Variants in FSIP2 observed in about 807,000 individuals in gnomAD.
FSIP2 encodes the protein fibrous sheath interacting protein 2, also known as fibrous sheath-interacting protein 2.
FSIP2 carries 367 observed loss-of-function variants against 510.5 expected under a neutral mutation model. The observed-to-expected ratio is 0.72, with a 90% CI of 0.66 to 0.78. The LOEUF is 0.78. Among genes scored for constraint, FSIP2 ranks in the 30% least tolerant of loss-of-function variants. FSIP2 has a pLI of 0.00. For synonymous variants in FSIP2, 2,601 were observed against 2,732.2 expected, an observed-to-expected ratio of 0.95 and a Z score of 1.50; for missense variants, 7,594 against 7,901.7, an observed-to-expected ratio of 0.96 and a Z score of 1.48.
intron 5 of FSIP2, 93 bp downstream of exon 5, chr2:185,745,661 G>A (rs17813736): frequency 0.54 from 568,894 of 1,056,586 alleles, 155,525 homozygotes; most frequent in South Asian, 0.64. Flanking sequence ...TTTAAGTACT[G>A]GACACCATTC....
chr2:185,802,216 C>A lies in FSIP2; in HGVS notation c.12910C>A (p.His4304Asn). ...RPQKQSPLDI[H>N]LDSFVREIVA... is the part of the protein sequence containing the mutation. ...TCAGAAGCAATCACCTTTAGATATT[C>A]ACCTTGATTCATTTGTAAGGGAGAT... The change falls in exon 17 of 23, where the codon CAC (histidine) becomes AAC (asparagine). Residue 4304 changes from histidine to asparagine, a missense_variant. By Grantham distance (68) the His-to-Asn change is moderately conservative. Coordinates refer to ENST00000424728, the MANE Select transcript of FSIP2 (RefSeq NM_173651.4). 3 of 1,533,594 alleles carry A rather than the reference C, an allele frequency of 2.0e-6. No homozygotes were observed. Among genetic ancestry groups the A allele is most frequent in the Non-Finnish European group, 8.7e-7 (1 of 1,145,242 alleles). 95.0% of individuals were successfully genotyped at this position (1,533,594 alleles called of 1,614,324 possible).
At position 185,745,131 on chromosome 2, in the gene FSIP2, C is replaced by T. The variant is rs750468529; in HGVS notation, c.478-298C>T. 153 of 184,314 alleles carry T rather than the reference C, an allele frequency of 8.3e-4. 2 individuals carry two copies. Among genetic ancestry groups the T allele is most frequent in the Admixed American group, 6.1e-4 (10 of 16,312 alleles). 11.4% of individuals were successfully genotyped at this position (184,314 alleles called of 1,614,324 possible). A position where few individuals can be genotyped will look rare whatever the true frequency, so the allele number is the denominator to read the frequency against. ...AAACAAGAAAGACTTTAATATATTT[C>T]TAAGTATTCTGTATTTTCCCCACTT... On this transcript the variant is annotated intron_variant, in intron 4 of 22. Coordinates refer to ENST00000424728, the MANE Select transcript of FSIP2 (RefSeq NM_173651.4).
intron 7 of FSIP2, among the ~76,000 whole-genome samples, chr2:185,751,191 T>C (rs1692139647): frequency 6.6e-6 from 1 of 151,660 alleles, no homozygotes; most frequent in South Asian, 2.1e-4. Flanking sequence ...TATTAAAATC[T>C]CTGACTATAT....
rs759902305 is a variant in FSIP2 at position 185,813,652 on chromosome 2, T to C, written c.19935T>C (p.Ala6645=). Residue 6645 remains alanine (A), a synonymous_variant, in exon 18 of 23, where the codon GCT becomes GCC. Coordinates refer to ENST00000424728, the MANE Select transcript of FSIP2 (RefSeq NM_173651.4). ...SKNDLIVRLV[A]HDIDQVYLEN... Reference sequence around the variant, plus strand: ...ATGATCTTATTGTTCGATTAGTAGCTCATGATATTGATCAAGTGTATTTGG... The same window carrying C: ...ATGATCTTATTGTTCGATTAGTAGCCCATGATATTGATCAAGTGTATTTGG... The C allele has an allele frequency of 3.5e-5, 56 of 1,604,186 alleles. 2 individuals carry two copies. The Middle Eastern group carries it at 4.5e-3, about 128-fold the overall frequency.
intron 13 of FSIP2, among the ~76,000 whole-genome samples, chr2:185,781,374 G>C (rs947813257): frequency 6.6e-6 from 1 of 152,182 alleles, no homozygotes; most frequent in South Asian, 2.1e-4. Flanking sequence ...GCTAAGCTAA[G>C]CTATTATGTT....
intron 17 of FSIP2, among the ~76,000 whole-genome samples, chr2:185,812,380 T>C (rs1417732684): frequency 6.6e-6 from 1 of 152,114 alleles, no homozygotes. Flanking sequence ...CAAACATGAA[T>C]GTTTGCCCAA....
Position 185,789,024 on chromosome 2 carries a change from A to G in FSIP2, c.1888A>G (p.Lys630Glu), listed in dbSNP as rs1693054560. ...QSIISKHKYN[K>E]TNLLYSYPKL... Reference sequence around the variant, plus strand: ...TATAATCTCTAAACATAAATATAATAAAACCAACTTGCTATATTCATACCC... The same window carrying G: ...TATAATCTCTAAACATAAATATAATGAAACCAACTTGCTATATTCATACCC... Residue 630 changes from lysine (K) to glutamate (E), a missense_variant, in exon 16 of 23, where the codon AAA becomes GAA. Lys to Glu is a moderately conservative substitution (Grantham distance 56). Transcript: ENST00000424728. 1 of 1,533,982 alleles carries G rather than the reference A, an allele frequency of 6.5e-7. No homozygotes were observed. Among genetic ancestry groups the G allele is most frequent in the Non-Finnish European group, 8.7e-7 (1 of 1,145,546 alleles).
rs1216802376 is a variant in FSIP2 at position 185,791,547 on chromosome 2, A to G, written c.4411A>G (p.Lys1471Glu). The G allele has an allele frequency of 6.5e-7, 1 of 1,534,428 alleles. No individual in the cohort carries two copies. Among genetic ancestry groups the G allele is most frequent in the Admixed American group, 2.0e-5 (1 of 50,858 alleles). ...QSREMTNKNQ[K>E]MAAALQSNIQ... is the part of the protein sequence containing the mutation. Reference sequence around the variant, plus strand: ...CAGAGAGATGACCAATAAGAATCAGAAAATGGCTGCTGCATTGCAGTCTAA... The same window carrying G: ...CAGAGAGATGACCAATAAGAATCAGGAAATGGCTGCTGCATTGCAGTCTAA... The change falls in exon 16 of 23, where the codon AAA becomes GAA. Residue 1471 changes from lysine (K) to glutamate (E), a missense_variant. Physicochemically the swap from Lys to Glu is moderately conservative, Grantham distance 56. Transcript: ENST00000424728.
At chr2:185,813,476 A>C in intron 17 of FSIP2, 69 bp from the exon 18 acceptor site, 1 of 911,222 alleles carries the variant, frequency 1.1e-6, no homozygotes, top group Non-Finnish European at 1.6e-6. Flanking sequence ...AAATAGCTAC[A>C]TCATAATTGA....
In FSIP2 at chr2:185,789,233, C is replaced by T; in HGVS notation, c.2097C>T (p.Tyr699=). Residue 699 remains tyrosine (Y), a synonymous_variant, in exon 16 of 23, where the codon TAC becomes TAT. Transcript: ENST00000424728. ...ATGTTTTTGTTAACTTTAAATGTTA[C>T]TTGAAAGGGGAAACTGAAGTGATTT... The part of the protein sequence containing the change: ...LKNVFVNFKC[Y]LKGETEVILE... 1 of 1,534,388 alleles carries T rather than the reference C, an allele frequency of 6.5e-7. No individual in the cohort carries two copies. The highest frequency in any genetic ancestry group is 8.7e-7 in the Non-Finnish European group (1 of 1,145,756).
rs931497276 is a variant in FSIP2, at chr2:185,797,295, A to T, written c.10159A>T (p.Lys3387Ter). Residue 3387 changes from lysine to a stop codon, truncating the protein, a stop_gained, in exon 16 of 23, where the codon AAA becomes TAA. Transcript: ENST00000424728. LOFTEE classifies it high-confidence loss of function. ...NEKSLLRMQD[K>*]KINYIPEEEN... The stretch of plus-strand genomic sequence containing the variant: ...AAAAAGTTTGCTTAGAATGCAGGAT[A>T]AAAAAATCAACTATATACCTGAGGA... The T allele has an allele frequency of 6.5e-7, 1 of 1,532,586 alleles. No homozygotes were observed. The allele number at this position is 1,532,586 out of a possible 1,614,324, so 94.9% of individuals were successfully genotyped here. A position where few individuals can be genotyped will look rare whatever the true frequency, so the allele number is the denominator to read the frequency against.
At chr2:185,786,960 T>A (rs532180587) in intron 15 of FSIP2, among the ~76,000 whole-genome samples, 3 of 151,864 alleles carry the variant, frequency 2.0e-5, no homozygotes, top group Non-Finnish European at 4.4e-5. Flanking sequence ...ATTCTATCTA[T>A]CATATTTCAC....
Position 185,804,790 on chromosome 2 carries a change from A to G in FSIP2, c.15484A>G (p.Ile5162Val). ...EAASKLTDEIIKEISEHEIRL... is the reference protein window; with the variant it reads ...EAASKLTDEIVKEISEHEIRL... ...AGCTTCAAAATTGACTGATGAAATT[A>G]TAAAAGAAATTTCTGAACATGAGAT... The change falls in exon 17 of 23, where the codon ATA becomes GTA. Residue 5162 changes from isoleucine (I) to valine (V), a missense_variant. Physicochemically the swap from Ile to Val is conservative, Grantham distance 29. Coordinates refer to ENST00000424728, the MANE Select transcript of FSIP2 (RefSeq NM_173651.4). 2 of 1,532,926 alleles carry G rather than the reference A, an allele frequency of 1.3e-6. No homozygotes were observed. Among genetic ancestry groups the G allele is most frequent in the African/African-American group, 1.4e-5 (1 of 72,940 alleles). The allele number at this position is 1,532,926 out of a possible 1,614,324, so 95.0% of individuals were successfully genotyped here.
Position 185,793,857 on chromosome 2 carries a change from TCTG to T in FSIP2, c.6724_6726del (p.Ala2242del), listed in dbSNP as rs758883381. 6.5e-7 allele frequency: 1 copy of T among 1,532,202 alleles called. No individual in the cohort carries two copies. Among genetic ancestry groups the T allele is most frequent in the South Asian group, 1.2e-5 (1 of 83,458 alleles). The allele number at this position is 1,532,202 out of a possible 1,614,324, so 94.9% of individuals were successfully genotyped here. ...AGTAGAGAAAGAAGACACTCAGAAATCTGCTACTGACTCATGTGAGGAAAATGC... is the reference window on the plus strand; with the variant it reads ...AGTAGAGAAAGAAGACACTCAGAAATCTACTGACTCATGTGAGGAAAATGC... On this transcript the variant is annotated inframe_deletion, in exon 16 of 23. Coordinates refer to ENST00000424728, the MANE Select transcript of FSIP2 (RefSeq NM_173651.4).
At chr2:185,762,045 T>C (rs1365109828) in intron 11 of FSIP2, 28 bp downstream of exon 11, 2 of 1,125,320 alleles carry the variant, frequency 1.8e-6, no homozygotes, top group African/African-American at 1.6e-5. Context: ...AGTCATAATT[T>C]TTCTGTTATT....
chr2:185,746,284 G>T (rs112672354), intron 5 of FSIP2, among the ~76,000 whole-genome samples: 1,564 of 110,848 alleles, frequency 0.014, 28 homozygotes, highest in African/African-American at 0.048. Context: ...AATTCAAATG[G>T]ACTGTTTTTT....
rs1015129050 is a variant in FSIP2, at chr2:185,801,614, A to G, written c.12308A>G (p.His4103Arg). The G allele has an allele frequency of 8.5e-6, 13 of 1,532,650 alleles. No individual in the cohort carries two copies. The highest frequency in any genetic ancestry group is 1.0e-5 in the Non-Finnish European group (12 of 1,145,060). The allele number at this position is 1,532,650 out of a possible 1,614,324, so 94.9% of individuals were successfully genotyped here. The stretch of plus-strand genomic sequence containing the variant: ...TGCTTCAAGGAACATCTCATACCCC[A>G]TTCATATTACCCTCTCAAACCTGAA... ...PSCFKEHLIP[H>R]SYYPLKPEII... Residue 4103 changes from histidine (H) to arginine (R), a missense_variant, in exon 17 of 23, where the codon CAT (histidine) becomes CGT (arginine). By Grantham distance (29) the His-to-Arg change is conservative (BLOSUM62 0). Transcript: ENST00000424728.
chr2:185,752,066 C>CA (rs1195381816), intron 7 of FSIP2, among the ~76,000 whole-genome samples: 1 of 146,114 alleles, frequency 6.8e-6, no homozygotes, highest in Non-Finnish European at 1.5e-5. Context: ...CATCTGCTAT[C>CA]ATTTTTTTTT....
intron 2 of FSIP2, among the ~76,000 whole-genome samples, chr2:185,742,513 G>A (rs1408486620): frequency 6.6e-6 from 1 of 152,080 alleles, no homozygotes; most frequent in Non-Finnish European, 1.5e-5. Flanking sequence ...CTTTAATAAG[G>A]TGAACTGCAT....
Sources: allele counts gnomAD v4.1 joint callset (sites outside exome capture counted in the v4.1 genomes callset), GRCh38; gene constraint gnomAD v4.1.1; transcripts MANE v1.5; gene names NCBI Gene and HGNC (gene_info 2026-07-23, HGNC 2026-07-21).